The following VAC14 variants were observed in gnomAD, a reference collection of about 807,000 sequenced individuals.
The protein encoded by VAC14 is VAC14 component of PIKFYVE complex.
Under a neutral mutation model 85.3 loss-of-function variants are expected in VAC14, and 47 were observed. That is an observed-to-expected ratio of 0.55 (90% CI 0.44 to 0.70). VAC14 has a LOEUF of 0.70. Among genes scored for constraint, VAC14 ranks in the 30% least tolerant of loss-of-function variants. The pLI, the probability that VAC14 is intolerant of heterozygous loss-of-function variation, is 0.00. For synonymous variants in VAC14, 447 were observed against 430.5 expected (o/e 1.04, Z -0.47); for missense variants, 861 against 1,004.3 (o/e 0.86, Z 1.93).
intron 17 of VAC14, among the ~76,000 whole-genome samples, chr16:70,695,002 G>C (rs1191595673): frequency 6.6e-6 from 1 of 152,206 alleles, no homozygotes; most frequent in Non-Finnish European, 1.5e-5. Context: ...TGTCAGCGCT[G>C]GCTCATGTCC....
chr16:70,784,202 T>A lies in VAC14; in HGVS notation c.505A>T (p.Asn169Tyr), dbSNP rs770921977. The A allele has an allele frequency of 2.7e-5, 43 of 1,614,078 alleles. No homozygotes were observed. The highest frequency in any genetic ancestry group is 3.5e-5 in the Non-Finnish European group (41 of 1,180,042). Reference protein sequence around the residue: ...RLLKDIVTESNKFDLVSFIPL... With the variant: ...RLLKDIVTESYKFDLVSFIPL... ...ATGAAGCTCACCAGGTCAAACTTGT[T>A]GCTCTCAGTCACAATGTCCTGTGGA... Residue 169 changes from asparagine (N) to tyrosine (Y), a missense_variant, in exon 5 of 19, where the codon AAC (asparagine) becomes TAC (tyrosine). By Grantham distance (143) the Asn-to-Tyr change is moderately radical. Coordinates refer to ENST00000261776, the MANE Select transcript of VAC14 (RefSeq NM_018052.5).
At chr16:70,761,016 T>TGTGTGTGCGC (rs1413571677) in intron 12 of VAC14, 1 of 300,870 alleles carries the variant, frequency 3.3e-6, no homozygotes, top group African/African-American at 4.2e-5. Context: ...TGTGTGTGTG[T>TGTGTGTGCGC]GTGCATGGGG....
At chr16:70,766,557 G>C (rs1427918101) in intron 10 of VAC14, 1 of 456,754 alleles carries the variant, frequency 2.2e-6, no homozygotes, top group Non-Finnish European at 4.4e-6. Context: ...CATGGTTCAG[G>C]TAACACAATC....
intron 14 of VAC14, among the ~76,000 whole-genome samples, chr16:70,704,407 G>A (rs545859521): frequency 1.3e-5 from 2 of 152,328 alleles, no homozygotes; most frequent in East Asian, 1.9e-4. Flanking sequence ...TCTCCTCCAG[G>A]GATAAGACAG....
chr16:70,721,044 C>A (rs2142998787), intron 14 of VAC14, among the ~76,000 whole-genome samples: 3 of 152,306 alleles, frequency 2.0e-5, no homozygotes, highest in Admixed American at 2.0e-4. Context: ...AGGGGAAAAA[C>A]ACATCCCTGA....
intron 14 of VAC14, among the ~76,000 whole-genome samples, chr16:70,730,855 G>A (rs142438698): frequency 1.3e-5 from 2 of 152,204 alleles, no homozygotes; most frequent in East Asian, 3.9e-4. Context: ...GGGCCATACG[G>A]ACTACTCTAG....
rs2053832903 is a variant in VAC14, at chr16:70,701,765, C to CACA, written c.1662-2957_1662-2955dup. Among the ~76,000 whole-genome samples the CACA allele has an allele frequency of 2.0e-5, 3 of 152,238 alleles. No homozygotes were observed. In the South Asian group the frequency reaches 6.2e-4, roughly 32 times the overall value. ...CCCCTCACCTCGGCCTATAGGGTCT[C>CACA]ACACCTCTCGCTGGTTCCTCTCCAG... is the stretch of plus-strand genomic sequence containing the variant. On this transcript the variant is annotated intron_variant, in intron 14 of 18. Coordinates refer to ENST00000261776, the MANE Select transcript of VAC14 (RefSeq NM_018052.5).
chr16:70,696,953 G>A (rs1006817225), intron 16 of VAC14, 186 bp downstream of exon 16: 12 of 550,934 alleles, frequency 2.2e-5, no homozygotes, highest in African/African-American at 5.7e-5. Flanking sequence ...TGCCAATCTC[G>A]CTCTCCCAAA....
intron 12 of VAC14, among the ~76,000 whole-genome samples, chr16:70,757,090 T>C (rs1452546138): frequency 6.6e-6 from 1 of 151,754 alleles, no homozygotes; most frequent in Non-Finnish European, 1.5e-5. Context: ...AAGAGAGGAG[T>C]TCCTCCTGGG....
intron 1 of VAC14, among the ~76,000 whole-genome samples, chr16:70,799,934 A>G (rs558834092): frequency 6.6e-6 from 1 of 152,364 alleles, no homozygotes; most frequent in South Asian, 2.1e-4. Context: ...ATTTAAATTT[A>G]TAATAGCTAC....
intron 1 of VAC14, among the ~76,000 whole-genome samples, chr16:70,799,751 C>T (rs1487906366): frequency 6.6e-6 from 1 of 152,098 alleles, no homozygotes; most frequent in South Asian, 2.1e-4. Context: ...CCCAGGTTAA[C>T]GAATGAATGT....
intron 14 of VAC14, among the ~76,000 whole-genome samples, chr16:70,707,827 T>G (rs1006939420): frequency 6.6e-6 from 1 of 151,172 alleles, no homozygotes; most frequent in African/African-American, 2.4e-5. Context: ...AGATGGAGTC[T>G]CGCTCTGTCA....
At chr16:70,689,776 G>T (rs540598070) in intron 18 of VAC14, 6 of 985,566 alleles carry the variant, frequency 6.1e-6, no homozygotes, top group Non-Finnish European at 7.2e-6. Flanking sequence ...GCTGTGGGCA[G>T]TGTTCTAGGC....
chr16:70,726,985 G>A (rs562123718), intron 14 of VAC14, among the ~76,000 whole-genome samples: 28 of 152,286 alleles, frequency 1.8e-4, no homozygotes, highest in Middle Eastern at 3.4e-3. Flanking sequence ...AGCTGCCTGG[G>A]GAAGAGGAAA....
intron 1 of VAC14, among the ~76,000 whole-genome samples, chr16:70,795,142 G>A (rs2034489741): frequency 6.6e-6 from 1 of 152,126 alleles, no homozygotes; most frequent in African/African-American, 2.4e-5. Context: ...TTCACACAAT[G>A]ATGAAACTGC....
chr16:70,698,600 G>A (rs2053760643), intron 15 of VAC14, 37 bp downstream of exon 15: 2 of 1,610,664 alleles, frequency 1.2e-6, no homozygotes, highest in East Asian at 4.5e-5. Context: ...CTGGCATGCA[G>A]GAGACGCCTG....
chr16:70,794,932 G>A (rs763998101), intron 1 of VAC14, among the ~76,000 whole-genome samples: 1 of 152,218 alleles, frequency 6.6e-6, no homozygotes, highest in Non-Finnish European at 1.5e-5. Context: ...GGACCCGTAA[G>A]ATGATAATGT....
intron 16 of VAC14, chr16:70,695,901 G>A (rs1043528362): frequency 1.9e-5 from 6 of 322,978 alleles, no homozygotes; most frequent in African/African-American, 8.2e-5. Flanking sequence ...GCTGCAGCCC[G>A]TTGGGGGAGG....
At chr16:70,717,783 A>C (rs1482416844) in intron 14 of VAC14, among the ~76,000 whole-genome samples, 1 of 152,152 alleles carries the variant, frequency 6.6e-6, no homozygotes, top group African/African-American at 2.4e-5. Context: ...AGTAGCTGAG[A>C]CCACAGGCGC....
Sources: allele counts gnomAD v4.1 joint callset (sites outside exome capture counted in the v4.1 genomes callset), GRCh38; gene constraint gnomAD v4.1.1; transcripts MANE v1.5; gene names NCBI Gene and HGNC (gene_info 2026-07-23, HGNC 2026-07-21).